Variants in PAPPA2 observed in about 807,000 individuals in gnomAD.
PAPPA2 encodes the protein pappalysin 2, also known as pappalysin-2.
PAPPA2 carries 86 observed loss-of-function variants against 176.4 expected under a neutral mutation model. The observed-to-expected ratio is 0.49, with a 90% confidence interval of 0.41 to 0.58. The LOEUF (loss-of-function observed/expected upper bound fraction) is 0.58. PAPPA2 is among the 20% of genes least tolerant of loss of function. The pLI, the probability that PAPPA2 is intolerant of heterozygous loss-of-function variation, is 0.00. For missense variants in PAPPA2, 2,073 were observed against 2,256.9 expected (o/e 0.92, Z 1.65); for synonymous variants, 809 against 852.2 (o/e 0.95, Z 0.88).
At position 176,562,652 on chromosome 1, in the gene PAPPA2, T is replaced by C. The variant is rs140224551; in HGVS notation, c.919+5411T>C. Among the ~76,000 whole-genome samples, 465 of 152,328 alleles carry C rather than the reference T, an allele frequency of 3.1e-3. 2 individuals carry two copies. The highest frequency in any genetic ancestry group is 1.0e-2 in the African/African-American group (414 of 41,588). On this transcript the variant is annotated intron_variant, in intron 2 of 22. Coordinates refer to ENST00000367662, the MANE Select transcript of PAPPA2 (RefSeq NM_020318.3). ...AAGTCATGGCCACCTGCCCTAAGCA[T>C]GGACGACCCATGGATGTGAGGGCTT...
chr1:176,489,258 G>GT (rs1329914180), intron 1 of PAPPA2, among the ~76,000 whole-genome samples: 1 of 152,116 alleles, frequency 6.6e-6, no homozygotes, highest in African/African-American at 2.4e-5. Flanking sequence ...TTGTGGCCTG[G>GT]TTAATTGATT....
At chr1:176,695,714 A>T (rs745874652) in intron 6 of PAPPA2, 24 bp from the exon 7 acceptor site, 1 of 1,613,008 alleles carries the variant, frequency 6.2e-7, no homozygotes, top group East Asian at 2.2e-5. Context: ...CTCATCTCCC[A>T]TCTCCATCCC....
intron 12 of PAPPA2, among the ~76,000 whole-genome samples, chr1:176,727,475 A>T (rs542577448): frequency 6.6e-6 from 1 of 152,134 alleles, no homozygotes; most frequent in Non-Finnish European, 1.5e-5. Flanking sequence ...AGCATATTTC[A>T]TAATGATAAA....
intron 12 of PAPPA2, among the ~76,000 whole-genome samples, chr1:176,730,263 G>T (rs1162563503): frequency 6.6e-6 from 1 of 151,834 alleles, no homozygotes; most frequent in East Asian, 1.9e-4. Flanking sequence ...TTAACTGAGA[G>T]AATACTTATG....
chr1:176,809,869 T>C (rs1666067711), intron 21 of PAPPA2, among the ~76,000 whole-genome samples: 1 of 152,026 alleles, frequency 6.6e-6, no homozygotes, highest in African/African-American at 2.4e-5. Context: ...AATCACGGGC[T>C]TCTGCATCAT....
chr1:176,605,844 G>A (rs1247803744), intron 3 of PAPPA2, among the ~76,000 whole-genome samples: 3 of 152,062 alleles, frequency 2.0e-5, no homozygotes, highest in African/African-American at 7.2e-5. Flanking sequence ...GAATGAGCTG[G>A]TTTTTCATCT....
intron 14 of PAPPA2, 103 bp downstream of exon 14, chr1:176,740,299 CT>C: frequency 8.5e-7 from 1 of 1,173,822 alleles, no homozygotes. Context: ...CAATCACTAA[CT>C]GAAAAATGAA....
At chr1:176,548,053 C>T (rs1391436706) in intron 1 of PAPPA2, among the ~76,000 whole-genome samples, 1 of 152,150 alleles carries the variant, frequency 6.6e-6, no homozygotes, top group African/African-American at 2.4e-5. Context: ...GTGCAGGATA[C>T]ATTAGAGATG....
At chr1:176,616,361 G>A in intron 3 of PAPPA2, 1 of 571,244 alleles carries the variant, frequency 1.8e-6, no homozygotes, top group South Asian at 1.5e-5. Flanking sequence ...AAAGTTGCTT[G>A]CTTTTAAAAG....
chr1:176,549,907 G>A (rs554023859), intron 1 of PAPPA2, among the ~76,000 whole-genome samples: 1 of 152,302 alleles, frequency 6.6e-6, no homozygotes, highest in South Asian at 2.1e-4. Context: ...AGTTCTTTGA[G>A]TTTTGACAAA....
chr1:176,731,339 G>T (rs1662131743), intron 12 of PAPPA2, among the ~76,000 whole-genome samples: 1 of 151,832 alleles, frequency 6.6e-6, no homozygotes. Context: ...TCACTTTGTT[G>T]CCCAGGTTGG....
Position 176,793,577 on chromosome 1 carries a change from T to G in PAPPA2, c.5038T>G (p.Leu1680Val). 6.2e-7 allele frequency: 1 copy of G among 1,611,514 alleles called. No individual in the cohort carries two copies. Among genetic ancestry groups the G allele is most frequent in the Non-Finnish European group, 8.5e-7 (1 of 1,177,960 alleles). Residue 1680 changes from leucine (L) to valine (V), a missense_variant, in exon 20 of 23, where the codon TTG becomes GTG. Physicochemically the swap from Leu to Val is conservative, Grantham distance 32. This residue lies in a region of PAPPA2 where 846 missense variants were observed against 857.9 expected (regional missense o/e 0.99). Transcript: ENST00000367662. ...GYGIGAVCSPLCVIPPSDPVM... is the reference protein window; with the variant it reads ...GYGIGAVCSPVCVIPPSDPVM... ...TCTTTCAGGTGCAGTGTGTTCCCCA[T>G]TGTGTGTAATCCCCCCCAGTGACCC...
At chr1:176,758,679 G>A (rs1284979130) in intron 14 of PAPPA2, among the ~76,000 whole-genome samples, 1 of 152,148 alleles carries the variant, frequency 6.6e-6, no homozygotes, top group Non-Finnish European at 1.5e-5. Flanking sequence ...CTGCTATTTA[G>A]TCAAGGGTGG....
At chr1:176,756,814 A>G (rs1159145172) in intron 14 of PAPPA2, among the ~76,000 whole-genome samples, 1 of 151,986 alleles carries the variant, frequency 6.6e-6, no homozygotes, top group Non-Finnish European at 1.5e-5. Context: ...GCACCCATCA[A>G]CTCATCACTT....
chr1:176,763,966 G>A (rs1663813275), intron 14 of PAPPA2, among the ~76,000 whole-genome samples: 1 of 152,214 alleles, frequency 6.6e-6, no homozygotes, highest in African/African-American at 2.4e-5. Context: ...CAAGAAGCAT[G>A]ACGCTGGTGT....
intron 1 of PAPPA2, among the ~76,000 whole-genome samples, chr1:176,518,817 T>C (rs753796200): frequency 6.6e-5 from 10 of 151,970 alleles, no homozygotes; most frequent in Non-Finnish European, 1.3e-4. Flanking sequence ...TTAGGCTCAA[T>C]AGGAATTCAG....
intron 17 of PAPPA2, among the ~76,000 whole-genome samples, chr1:176,773,255 G>A (rs1318969038): frequency 6.6e-6 from 1 of 152,192 alleles, no homozygotes; most frequent in Non-Finnish European, 1.5e-5. Context: ...TTACATAGCA[G>A]GTGGCGGATT....
At chr1:176,803,630 T>C (rs1036005705) in intron 21 of PAPPA2, among the ~76,000 whole-genome samples, 1 of 152,182 alleles carries the variant, frequency 6.6e-6, no homozygotes, top group Non-Finnish European at 1.5e-5. Flanking sequence ...GACCTCAACA[T>C]TTCTCATCTG....
chr1:176,780,153 GGTTAA>G (rs1336317581), intron 17 of PAPPA2, among the ~76,000 whole-genome samples: 70 of 152,176 alleles, frequency 4.6e-4, no homozygotes, highest in African/African-American at 1.3e-3. Context: ...GACCTGCAGT[GGTTAA>G]GTTAATTCCC....
Sources: allele counts gnomAD v4.1 joint callset (sites outside exome capture counted in the v4.1 genomes callset), GRCh38; gene constraint gnomAD v4.1.1; regional missense constraint gnomAD v4.1.1; transcripts MANE v1.5; gene names NCBI Gene and HGNC (gene_info 2026-07-23, HGNC 2026-07-21).